Variants in UNC13C observed in about 807,000 individuals in gnomAD.
UNC13C encodes unc-13 homolog C.
UNC13C carries 174 observed loss-of-function variants against 245.4 expected under a neutral mutation model. The ratio of observed to expected loss-of-function variants is 0.71; its 90% CI spans 0.63 to 0.80. The LOEUF is 0.80. Ranked by LOEUF, UNC13C falls within the 30% of genes least tolerant of loss-of-function variation. UNC13C has a pLI of 0.00. For missense variants in UNC13C, 2,829 were observed against 2,602.9 expected (o/e 1.09, Z -1.89); for synonymous variants, 992 against 895.1 (o/e 1.11, Z -1.93).
At chr15:54,240,636 T>G (rs895362196) in intron 7 of UNC13C, among the ~76,000 whole-genome samples, 2 of 152,154 alleles carry the variant, frequency 1.3e-5, no homozygotes, top group African/African-American at 4.8e-5. Context: ...GCATCGCCAG[T>G]GCCCCCATCC....
chr15:53,931,269 A>G, the UNC13C span, among the ~76,000 whole-genome samples: 2 of 152,054 alleles, frequency 1.3e-5, no homozygotes, highest in Non-Finnish European at 2.9e-5. Flanking sequence ...CTCGGGTTCA[A>G]GTGATTCTCC....
intron 19 of UNC13C, among the ~76,000 whole-genome samples, chr15:54,440,614 A>G (rs1002607905): frequency 6.6e-6 from 1 of 152,062 alleles, no homozygotes; most frequent in African/African-American, 2.4e-5. Flanking sequence ...ACTGGAAAAA[A>G]GATGGGGCTG....
At chr15:54,059,726 G>C (rs151284419) in intron 2 of UNC13C, among the ~76,000 whole-genome samples, 2 of 152,192 alleles carry the variant, frequency 1.3e-5, no homozygotes, top group South Asian at 2.1e-4. Flanking sequence ...ATACTGCAAG[G>C]CTACAGTAAT....
intron 1 of UNC13C, among the ~76,000 whole-genome samples, chr15:54,007,715 A>C (rs2140983885): frequency 6.6e-6 from 1 of 152,320 alleles, no homozygotes; most frequent in South Asian, 2.1e-4. Context: ...AGCATGGCAC[A>C]CATTTATCTA....
intron 17 of UNC13C, among the ~76,000 whole-genome samples, chr15:54,370,950 A>C (rs577816165): frequency 2.0e-5 from 3 of 152,216 alleles, no homozygotes; most frequent in Non-Finnish European, 4.4e-5. Flanking sequence ...GTATATGTAC[A>C]TTGTGGAATG....
intron 17 of UNC13C, among the ~76,000 whole-genome samples, chr15:54,347,983 G>T (rs2038897108): frequency 1.3e-5 from 2 of 152,002 alleles, no homozygotes; most frequent in Admixed American, 1.3e-4. Context: ...TTAGAAATAG[G>T]TAATACAGTA....
At chr15:54,418,793 C>T (rs1045938053) in intron 19 of UNC13C, among the ~76,000 whole-genome samples, 5 of 152,226 alleles carry the variant, frequency 3.3e-5, no homozygotes, top group South Asian at 2.1e-4. Flanking sequence ...CCTCTAAACA[C>T]GTATCTCAGA....
chr15:54,316,508 CTGAG>C (rs1332373725), intron 13 of UNC13C, among the ~76,000 whole-genome samples: 2 of 151,952 alleles, frequency 1.3e-5, no homozygotes, highest in African/African-American at 2.4e-5. Context: ...CACATTCTAA[CTGAG>C]TGTCTTCATA....
At chr15:54,265,163 A>T (rs1340872116) in intron 9 of UNC13C, among the ~76,000 whole-genome samples, 192 bp from the exon 10 acceptor site, 1 of 151,954 alleles carries the variant, frequency 6.6e-6, no homozygotes, top group Non-Finnish European at 1.5e-5. Context: ...CAAGGGCAAA[A>T]ATTACAGATT....
At chr15:54,134,073 T>TGTGG (rs1491476607) in intron 2 of UNC13C, among the ~76,000 whole-genome samples, 9 of 144,976 alleles carry the variant, frequency 6.2e-5, no homozygotes, top group East Asian at 2.0e-4. Context: ...TGTGTGTGTG[T>TGTGG]GGTGAGGACA....
intron 19 of UNC13C, among the ~76,000 whole-genome samples, chr15:54,455,204 T>TCTCTCTCTCTCTCTCTCA: frequency 1.9e-5 from 1 of 53,810 alleles, no homozygotes; most frequent in East Asian, 7.6e-4. Flanking sequence ...TCTCTCTCTC[T>TCTCTCTCTCTCTCTCTCA]CTATATATAT....
At chr15:54,128,148 A>G (rs995067919) in intron 2 of UNC13C, among the ~76,000 whole-genome samples, 2 of 152,178 alleles carry the variant, frequency 1.3e-5, no homozygotes, top group Non-Finnish European at 2.9e-5. Context: ...GAAATCAAGA[A>G]CACAATCCCA....
intron 30 of UNC13C, among the ~76,000 whole-genome samples, chr15:54,577,606 G>A (rs183836295): frequency 6.6e-6 from 1 of 152,208 alleles, no homozygotes; most frequent in Admixed American, 6.5e-5. Flanking sequence ...TCTCAGCCTG[G>A]CTCTGTCCTT....
the UNC13C span, among the ~76,000 whole-genome samples, chr15:53,843,252 C>A: frequency 6.6e-6 from 1 of 152,014 alleles, no homozygotes; most frequent in Admixed American, 6.6e-5. Flanking sequence ...CCAGCCTGGG[C>A]AACATGGCAA....
chr15:53,968,279 T>G, the UNC13C span: 1 of 152,092 alleles, frequency 6.6e-6, no homozygotes, highest in Non-Finnish European at 1.5e-5. Context: ...GGGTTCAGAT[T>G]GCTCCTGTGT....
chr15:53,935,443 G>A, the UNC13C span, among the ~76,000 whole-genome samples: 1 of 152,160 alleles, frequency 6.6e-6, no homozygotes, highest in Non-Finnish European at 1.5e-5. Context: ...ACAAAGAAAT[G>A]TATAGAATAA....
At chr15:54,418,223 C>T (rs2040561975) in intron 19 of UNC13C, among the ~76,000 whole-genome samples, 1 of 152,126 alleles carries the variant, frequency 6.6e-6, no homozygotes, top group Non-Finnish European at 1.5e-5. Context: ...CATTAGCAAA[C>T]ACAGCCCACA....
At chr15:54,440,846 G>T (rs1442194700) in intron 19 of UNC13C, among the ~76,000 whole-genome samples, 1 of 151,832 alleles carries the variant, frequency 6.6e-6, no homozygotes, top group East Asian at 1.9e-4. Flanking sequence ...TTTAATAATA[G>T]CTATTCTAAC....
the UNC13C span, among the ~76,000 whole-genome samples, chr15:53,898,336 T>C: frequency 7.2e-5 from 11 of 152,196 alleles, no homozygotes; most frequent in Non-Finnish European, 8.8e-5. Context: ...CAGGGTAAGA[T>C]GGTAAGGTTA....
Sources: allele counts gnomAD v4.1 joint callset (sites outside exome capture counted in the v4.1 genomes callset), GRCh38; gene constraint gnomAD v4.1.1; transcripts MANE v1.5; gene names NCBI Gene and HGNC (gene_info 2026-07-23, HGNC 2026-07-21).